Variants in SCAMP1 observed in about 807,000 individuals in gnomAD.
SCAMP1 encodes secretory carrier-associated membrane protein 1.
Under a neutral mutation model 41.8 loss-of-function variants are expected in SCAMP1, and 15 were observed. That is an observed-to-expected ratio of 0.36 (90% confidence interval 0.24 to 0.55). The LOEUF (loss-of-function observed/expected upper bound fraction) is 0.55, where lower values mean the gene tolerates loss of function less well. SCAMP1 is among the 20% of genes least tolerant of loss of function. SCAMP1 has a pLI of 0.86. For missense variants in SCAMP1, 341 were observed against 412.6 expected (o/e 0.83, Z 1.50); for synonymous variants, 135 against 136.8 (o/e 0.99, Z 0.09).
chr5:78,361,036 A>G lies in SCAMP1; in HGVS notation c.57+308A>G, dbSNP rs1750633493. On this transcript the variant is annotated intron_variant, in intron 1 of 8. Coordinates refer to ENST00000621999, the MANE Select transcript of SCAMP1 (RefSeq NM_004866.6). ...CCGGAGGGGTCCTGGCCCGCCTCTC[A>G]GGAGAGAAAGCCGAGGGCAGGTAGA... 10 of 303,478 alleles carry G rather than the reference A, an allele frequency of 3.3e-5. No homozygotes were observed. The South Asian group carries it at 4.7e-4, about 14-fold the overall frequency. The allele number at this position is 303,478 out of a possible 1,614,324, so 18.8% of individuals were successfully genotyped here. A position where few individuals can be genotyped will look rare whatever the true frequency, so the allele number is the denominator to read the frequency against.
At chr5:78,367,478 T>C (rs1750827292) in intron 1 of SCAMP1, among the ~76,000 whole-genome samples, 1 of 152,208 alleles carries the variant, frequency 6.6e-6, no homozygotes, top group South Asian at 2.1e-4. Context: ...CAATTAGCTG[T>C]CTTTCATGTA....
intron 1 of SCAMP1, among the ~76,000 whole-genome samples, chr5:78,365,099 A>G (rs1258845894): frequency 2.0e-5 from 3 of 152,236 alleles, no homozygotes; most frequent in Admixed American, 1.3e-4. Context: ...TTAGATGAAC[A>G]TACATTTAGC....
intron 6 of SCAMP1, among the ~76,000 whole-genome samples, chr5:78,434,133 C>T (rs950110905): frequency 6.6e-6 from 1 of 152,166 alleles, no homozygotes; most frequent in Non-Finnish European, 1.5e-5. Context: ...CTTCTGAGCA[C>T]CTGGTGAGAT....
intron 6 of SCAMP1, among the ~76,000 whole-genome samples, chr5:78,442,415 T>G (rs539946125): frequency 1.3e-5 from 2 of 152,226 alleles, no homozygotes; most frequent in South Asian, 4.2e-4. Context: ...TCCACAACCA[T>G]GCCTGGTTAA....
At chr5:78,409,765 C>T (rs967149997) in intron 2 of SCAMP1, among the ~76,000 whole-genome samples, 4 of 152,138 alleles carry the variant, frequency 2.6e-5, no homozygotes, top group Admixed American at 2.6e-4. Flanking sequence ...CTAACCCTAC[C>T]TTCATCCTTA....
intron 1 of SCAMP1, among the ~76,000 whole-genome samples, chr5:78,383,926 G>A (rs1053483188): frequency 1.3e-5 from 2 of 151,838 alleles, no homozygotes; most frequent in African/African-American, 2.4e-5. Context: ...CTCCTTTTTG[G>A]TTCCATATGA....
intron 6 of SCAMP1, among the ~76,000 whole-genome samples, chr5:78,427,120 T>C (rs951366954): frequency 6.6e-6 from 1 of 152,122 alleles, no homozygotes; most frequent in Non-Finnish European, 1.5e-5. Flanking sequence ...TTCTGCAGAG[T>C]GTACAAGAAC....
chr5:78,396,052 T>C, intron 2 of SCAMP1, among the ~76,000 whole-genome samples: 1 of 152,188 alleles, frequency 6.6e-6, no homozygotes, highest in Middle Eastern at 3.2e-3. Flanking sequence ...TTTCCATCTG[T>C]CTCTTTATCC....
rs1197381285 is a variant in SCAMP1, at chr5:78,398,355, C to CTTTTTTTT, written c.135+9461_135+9468dup. 1.1e-3 allele frequency among the ~76,000 whole-genome samples: 64 copies of CTTTTTTTT among 57,482 alleles called. 9 individuals carry two copies. Among genetic ancestry groups the CTTTTTTTT allele is most frequent in the African/African-American group, 4.4e-3 (59 of 13,382 alleles). 37.7% of individuals were successfully genotyped at this position (57,482 alleles called of 152,430 possible). ...CTATAGTTTATCCTAGGGTTCACCT[C>CTTTTTTTT]TTTTTTTTTTTTTTTTTTTTTTTTT... On this transcript the variant is annotated intron_variant, in intron 2 of 8. Transcript: ENST00000621999.
intron 6 of SCAMP1, among the ~76,000 whole-genome samples, chr5:78,448,987 C>G (rs571051363): frequency 5.4e-5 from 7 of 130,520 alleles, no homozygotes; most frequent in African/African-American, 2.0e-4. Context: ...GCAAGAAGAG[C>G]AAAACTCCGT....
At chr5:78,402,201 T>G (rs948377296) in intron 2 of SCAMP1, among the ~76,000 whole-genome samples, 3 of 152,126 alleles carry the variant, frequency 2.0e-5, no homozygotes, top group Admixed American at 1.3e-4. Context: ...TATTTGTTTT[T>G]TTTTTTTTAA....
At chr5:78,414,309 G>T (rs1752155351) in intron 2 of SCAMP1, among the ~76,000 whole-genome samples, 1 of 151,702 alleles carries the variant, frequency 6.6e-6, no homozygotes, top group African/African-American at 2.4e-5. Flanking sequence ...TTGAGATGGA[G>T]TCTTGCTCTG....
chr5:78,478,293 A>G lies in SCAMP1; in HGVS notation c.*2625A>G, dbSNP rs1328137169. On this transcript the variant is annotated 3_prime_UTR_variant, in exon 9 of 9. Coordinates refer to ENST00000621999, the MANE Select transcript of SCAMP1 (RefSeq NM_004866.6). ...TGCTGTTTACTGGATGTTTGTTTGT[A>G]TAATTTTGAACACTATAATAGCAAT... 1.3e-5 allele frequency: 2 copies of G among 152,602 alleles called. No individual in the cohort carries two copies. Among genetic ancestry groups the G allele is most frequent in the African/African-American group, 2.4e-5 (1 of 41,450 alleles). 9.5% of individuals were successfully genotyped at this position (152,602 alleles called of 1,614,324 possible).
At chr5:78,448,961 T>C (rs74430444) in intron 6 of SCAMP1, among the ~76,000 whole-genome samples, 7,341 of 151,034 alleles carry the variant, frequency 0.049, 389 homozygotes, top group East Asian at 0.3. Flanking sequence ...GATTGCGCCA[T>C]TGCACTCCAA....
At chr5:78,363,167 C>T (rs1415379143) in intron 1 of SCAMP1, among the ~76,000 whole-genome samples, 6 of 151,606 alleles carry the variant, frequency 4.0e-5, no homozygotes, top group Non-Finnish European at 7.4e-5. Flanking sequence ...GCTGGGATTA[C>T]GGGCGGGAGC....
At chr5:78,431,521 CCTTT>C (rs1580690053) in intron 6 of SCAMP1, among the ~76,000 whole-genome samples, 1 of 139,240 alleles carries the variant, frequency 7.2e-6, no homozygotes, top group South Asian at 2.3e-4. Context: ...TGTTTCTTTT[CCTTT>C]CTTTTTGCCT....
At chr5:78,407,377 C>T (rs1751959059) in intron 2 of SCAMP1, among the ~76,000 whole-genome samples, 1 of 152,150 alleles carries the variant, frequency 6.6e-6, no homozygotes, top group African/African-American at 2.4e-5. Flanking sequence ...TATACTTGAG[C>T]TTGCATTGTT....
chr5:78,480,090 A>G lies in SCAMP1; in HGVS notation c.*4422A>G, dbSNP rs1359272063. 6.6e-6 allele frequency among the ~76,000 whole-genome samples: 1 copy of G among 152,272 alleles called. No individual in the cohort carries two copies. Among genetic ancestry groups the G allele is most frequent in the East Asian group, 1.9e-4 (1 of 5,180 alleles). ...TTTCATTAGTGCTGGCCGTGTTTCA[A>G]ATGGCAAGGGAACATGGGAACTATC... On this transcript the variant is annotated 3_prime_UTR_variant, in exon 9 of 9. Transcript: ENST00000621999.
chr5:78,430,091 A>G (rs199678256), intron 6 of SCAMP1, among the ~76,000 whole-genome samples: 1,495 of 50,462 alleles, frequency 0.03, 176 homozygotes, highest in African/African-American at 0.073. Flanking sequence ...TACAGTATTT[A>G]TTTATAAATA....
Sources: allele counts gnomAD v4.1 joint callset (sites outside exome capture counted in the v4.1 genomes callset), GRCh38; gene constraint gnomAD v4.1.1; transcripts MANE v1.5; gene names NCBI Gene and HGNC (gene_info 2026-07-23, HGNC 2026-07-21).